UBE4B: variants seen among roughly 807,000 people sequenced by gnomAD.
UBE4B encodes ubiquitination factor E4B, also known as ubiquitin conjugation factor E4 B.
In UBE4B, 27 loss-of-function variants were observed where a neutral mutation model predicts 148.1. The ratio of observed to expected loss-of-function variants is 0.18; its 90% CI spans 0.13 to 0.25. The LOEUF (loss-of-function observed/expected upper bound fraction) is 0.25, where lower values mean the gene tolerates loss of function less well. Among genes scored for constraint, UBE4B ranks in the 10% least tolerant of loss-of-function variants. UBE4B has a pLI of 1.00. For missense variants in UBE4B, 1,170 were observed against 1,662.4 expected (o/e 0.70, Z 5.15); for synonymous variants, 596 against 619.3 (o/e 0.96, Z 0.56).
chr1:10,036,282 C>G (rs1643529499), intron 1 of UBE4B, among the ~76,000 whole-genome samples: 1 of 151,890 alleles, frequency 6.6e-6, no homozygotes, highest in Admixed American at 6.6e-5. Flanking sequence ...ATATGAGGAA[C>G]ACATGTAACC....
At chr1:10,132,624 C>T in intron 15 of UBE4B, 142 bp downstream of exon 15, 1 of 630,492 alleles carries the variant, frequency 1.6e-6, no homozygotes, top group South Asian at 2.0e-5. Flanking sequence ...TTTGTGGAGC[C>T]CATGTTCCAC....
chr1:10,107,858 G>A (rs978634927), intron 7 of UBE4B, among the ~76,000 whole-genome samples: 1 of 152,144 alleles, frequency 6.6e-6, no homozygotes, highest in East Asian at 1.9e-4. Flanking sequence ...GATTACAGGA[G>A]TGAGTCACTG....
chr1:10,046,556 T>A (rs990705286), intron 1 of UBE4B, among the ~76,000 whole-genome samples: 4 of 152,134 alleles, frequency 2.6e-5, no homozygotes, highest in African/African-American at 7.2e-5. Flanking sequence ...CTGTGAGCGC[T>A]TCCTCCCCTG....
intron 1 of UBE4B, among the ~76,000 whole-genome samples, chr1:10,069,780 C>T (rs74719934): frequency 0.026 from 3,903 of 152,132 alleles, 162 homozygotes; most frequent in African/African-American, 0.089. Context: ...AATGATCCAC[C>T]GCCTCGGACT....
intron 1 of UBE4B, among the ~76,000 whole-genome samples, chr1:10,047,100 G>C (rs1643928153): frequency 6.6e-6 from 1 of 152,126 alleles, no homozygotes. Flanking sequence ...TACAGTATCT[G>C]TGCCCATGCT....
chr1:10,149,929 C>A (rs755390978), intron 20 of UBE4B, among the ~76,000 whole-genome samples: 12 of 151,970 alleles, frequency 7.9e-5, no homozygotes, highest in African/African-American at 1.2e-4. Context: ...ATTGCTTGAG[C>A]CTAGTTCAAG....
At chr1:10,132,023 G>A (rs546957232) in intron 14 of UBE4B, among the ~76,000 whole-genome samples, 19 of 152,010 alleles carry the variant, frequency 1.2e-4, no homozygotes, top group East Asian at 3.9e-4. Context: ...CCAACTACTC[G>A]GGAGGCTGAG....
intron 1 of UBE4B, chr1:10,054,621 T>A (rs988050588): frequency 2.3e-5 from 6 of 259,604 alleles, no homozygotes; most frequent in Non-Finnish European, 4.6e-5. Flanking sequence ...AATATGCATA[T>A]TAATTCTCTT....
chr1:10,112,463 G>C (rs1020769339), intron 7 of UBE4B, among the ~76,000 whole-genome samples: 2 of 152,114 alleles, frequency 1.3e-5, no homozygotes, highest in African/African-American at 4.8e-5. Context: ...GCAGTGGCGC[G>C]ATCTCAGCTC....
intron 25 of UBE4B, among the ~76,000 whole-genome samples, chr1:10,174,342 G>T (rs1459408021): frequency 4.0e-5 from 6 of 150,688 alleles, no homozygotes; most frequent in Non-Finnish European, 8.8e-5. Context: ...GCAGTGAGCT[G>T]AGATCGCACC....
intron 25 of UBE4B, among the ~76,000 whole-genome samples, chr1:10,177,394 C>T (rs976850119): frequency 5.3e-5 from 8 of 152,068 alleles, no homozygotes; most frequent in Non-Finnish European, 7.3e-5. Context: ...TGGTGGCGCA[C>T]ACCTGAAATC....
chr1:10,089,324 C>T (rs544248612), intron 2 of UBE4B, among the ~76,000 whole-genome samples: 69 of 152,066 alleles, frequency 4.5e-4, no homozygotes, highest in African/African-American at 1.7e-3. Flanking sequence ...ATGTTTTTAT[C>T]AGGAAATTAG....
chr1:10,044,447 C>T (rs1643874858), intron 1 of UBE4B, among the ~76,000 whole-genome samples: 1 of 152,078 alleles, frequency 6.6e-6, no homozygotes, highest in South Asian at 2.1e-4. Flanking sequence ...GTAGAAGACA[C>T]TTTTTCCATG....
At chr1:10,054,510 G>T in intron 1 of UBE4B, 2 of 397,302 alleles carry the variant, frequency 5.0e-6, no homozygotes, top group African/African-American at 2.1e-5. Context: ...CACACAGTGT[G>T]CTTCTCTGGT....
intron 1 of UBE4B, among the ~76,000 whole-genome samples, chr1:10,060,242 A>G (rs984768295): frequency 3.3e-5 from 5 of 152,156 alleles, no homozygotes; most frequent in African/African-American, 1.2e-4. Flanking sequence ...ACAAACTTAG[A>G]TGGCATAGCC....
intron 2 of UBE4B, among the ~76,000 whole-genome samples, chr1:10,090,833 A>G (rs1644836888): frequency 1.8e-5 from 2 of 113,756 alleles, no homozygotes. Flanking sequence ...GTGTGTGTGT[A>G]ATACTGGAAC....
At chr1:10,042,163 C>T (rs1385556744) in intron 1 of UBE4B, among the ~76,000 whole-genome samples, 2 of 152,162 alleles carry the variant, frequency 1.3e-5, no homozygotes, top group African/African-American at 2.4e-5. Context: ...TAGCCCCAAG[C>T]TCTTGTAGGG....
intron 23 of UBE4B, among the ~76,000 whole-genome samples, chr1:10,164,850 G>A (rs1646222955): frequency 6.6e-6 from 1 of 152,064 alleles, no homozygotes; most frequent in Admixed American, 6.6e-5. Context: ...GCACTAGTTG[G>A]AATTTTGAGC....
At position 10,151,388 on chromosome 1, in the gene UBE4B, T is replaced by C. The variant is rs760134669; in HGVS notation, c.2753T>C (p.Met918Thr). Residue 918 changes from methionine (M) to threonine (T), a missense_variant, in exon 21 of 28, where the codon ATG becomes ACG. Met to Thr is a moderately conservative substitution (Grantham distance 81). Coordinates refer to ENST00000343090, the MANE Select transcript of UBE4B (RefSeq NM_001105562.3). ...TQDIVMFLVV[M>T]LCNQNYIRNP... ...GATATTGTGATGTTCCTTGTTGTGA[T>C]GTTGTGCAACCAGAACTACATCCGA... The C allele has an allele frequency of 1.7e-5, 28 of 1,614,056 alleles. No individual in the cohort carries two copies. Among genetic ancestry groups the C allele is most frequent in the Non-Finnish European group, 4.2e-6 (5 of 1,180,044 alleles).
Sources: allele counts gnomAD v4.1 joint callset (sites outside exome capture counted in the v4.1 genomes callset), GRCh38; gene constraint gnomAD v4.1.1; transcripts MANE v1.5; gene names NCBI Gene and HGNC (gene_info 2026-07-23, HGNC 2026-07-21).